Variants in FOXN3 observed in about 807,000 individuals in gnomAD.
FOXN3 encodes forkhead box N3, also known as forkhead box protein N3.
A neutral mutation model predicts 38.4 loss-of-function variants in FOXN3; 7 were observed. The ratio of observed to expected loss-of-function variants is 0.18; its 90% CI spans 0.10 to 0.34. The LOEUF (loss-of-function observed/expected upper bound fraction) is 0.34, where lower values mean the gene tolerates loss of function less well. Among genes scored for constraint, FOXN3 ranks in the 10% least tolerant of loss-of-function variants. The probability of loss-of-function intolerance (pLI) is 1.00; values close to 1 mark genes in which losing one functional copy is unlikely to be tolerated. For missense variants in FOXN3, 456 were observed against 613.4 expected (o/e 0.74, Z 2.71); for synonymous variants, 230 against 242.2 (o/e 0.95, Z 0.47).
At chr14:89,405,958 G>A (rs912537123) in intron 2 of FOXN3, among the ~76,000 whole-genome samples, 3 of 152,042 alleles carry the variant, frequency 2.0e-5, no homozygotes, top group East Asian at 1.9e-4. Context: ...TTGAGGACAG[G>A]AGTTCAAGAC....
intron 4 of FOXN3, among the ~76,000 whole-genome samples, chr14:89,213,870 T>C (rs1221328233): frequency 2.0e-5 from 3 of 152,246 alleles, no homozygotes; most frequent in East Asian, 1.9e-4. Flanking sequence ...TAATAATTTA[T>C]TAAGCTATTG....
chr14:89,355,498 A>G (rs921024750), intron 2 of FOXN3, among the ~76,000 whole-genome samples: 1 of 152,116 alleles, frequency 6.6e-6, no homozygotes, highest in Admixed American at 6.5e-5. Flanking sequence ...TGGCCTCCCA[A>G]AGTGCTGGAA....
At chr14:89,558,274 G>A (rs969629379) in intron 1 of FOXN3, among the ~76,000 whole-genome samples, 2 of 152,164 alleles carry the variant, frequency 1.3e-5, no homozygotes, top group Non-Finnish European at 2.9e-5. Context: ...AATACAAGTG[G>A]TAGTGCAGGC....
intron 2 of FOXN3, among the ~76,000 whole-genome samples, chr14:89,359,282 C>T (rs537066707): frequency 3.0e-4 from 45 of 149,906 alleles, no homozygotes; most frequent in Non-Finnish European, 4.6e-4. Context: ...GGCAACAGAG[C>T]GAGACTCCAT....
intron 1 of FOXN3, among the ~76,000 whole-genome samples, chr14:89,498,626 AT>A (rs1893736401): frequency 6.6e-6 from 1 of 152,130 alleles, no homozygotes; most frequent in Non-Finnish European, 1.5e-5. Context: ...TACCCTGGAT[AT>A]TGAGAACTAC....
upstream of FOXN3, among the ~76,000 whole-genome samples, chr14:89,418,638 A>G (rs950879142): frequency 6.6e-6 from 1 of 151,950 alleles, no homozygotes; most frequent in African/African-American, 2.4e-5. Context: ...CGACCTACCC[A>G]AAGTCACTAA....
chr14:89,523,191 A>G (rs1894357642), intron 1 of FOXN3, among the ~76,000 whole-genome samples: 1 of 152,228 alleles, frequency 6.6e-6, no homozygotes. Context: ...TAGACACCTA[A>G]TAACAGAATG....
At chr14:89,533,251 C>A (rs1045533487) in intron 1 of FOXN3, among the ~76,000 whole-genome samples, 1 of 152,206 alleles carries the variant, frequency 6.6e-6, no homozygotes, top group African/African-American at 2.4e-5. Context: ...CCCTTTCACT[C>A]TCCTCCGGCT....
chr14:89,467,255 G>A (rs758991906), intron 1 of FOXN3, among the ~76,000 whole-genome samples: 6 of 152,132 alleles, frequency 3.9e-5, no homozygotes, highest in Non-Finnish European at 5.9e-5. Flanking sequence ...CCACAGCTTC[G>A]CCTGTTCCCG....
chr14:89,610,537 C>T (rs1486438768), intron 1 of FOXN3, among the ~76,000 whole-genome samples: 1 of 152,206 alleles, frequency 6.6e-6, no homozygotes, highest in Non-Finnish European at 1.5e-5. Flanking sequence ...AACCATCCAC[C>T]CTTCAATCCC....
intron 1 of FOXN3, among the ~76,000 whole-genome samples, chr14:89,495,666 T>A (rs1007672740): frequency 2.6e-5 from 4 of 152,206 alleles, no homozygotes; most frequent in Admixed American, 2.6e-4. Context: ...CATTTCTGCC[T>A]CTTATTTGCT....
At chr14:89,330,762 C>A (rs1197112394) in intron 3 of FOXN3, among the ~76,000 whole-genome samples, 1 of 152,234 alleles carries the variant, frequency 6.6e-6, no homozygotes. Flanking sequence ...GCATCACTCG[C>A]TGCTGTAAAA....
chr14:89,520,804 C>G (rs979682159), intron 1 of FOXN3, among the ~76,000 whole-genome samples: 17 of 152,036 alleles, frequency 1.1e-4, no homozygotes, highest in Admixed American at 9.2e-4. Flanking sequence ...TGGAGAAAAG[C>G]CAACAGCAAT....
At chr14:89,343,627 G>GTTTTTTTTTTT (rs34453491) in intron 3 of FOXN3, among the ~76,000 whole-genome samples, 1 of 140,636 alleles carries the variant, frequency 7.1e-6, no homozygotes, top group Non-Finnish European at 1.5e-5. Context: ...AATGTGTGTG[G>GTTTTTTTTTTT]TTTTTTTTTT....
chr14:89,280,817 C>A, intron 4 of FOXN3, 133 bp downstream of exon 4: 1 of 672,482 alleles, frequency 1.5e-6, no homozygotes. Context: ...CCACCCACAA[C>A]AGTCACACTT....
intron 5 of FOXN3, among the ~76,000 whole-genome samples, chr14:89,166,579 C>G (rs1043805579): frequency 6.6e-6 from 1 of 152,144 alleles, no homozygotes; most frequent in Non-Finnish European, 1.5e-5. Flanking sequence ...CCCTGTCACT[C>G]CTGAAGAAGG....
intron 2 of FOXN3, among the ~76,000 whole-genome samples, chr14:89,383,647 T>A (rs1890717850): frequency 6.6e-6 from 1 of 152,220 alleles, no homozygotes; most frequent in African/African-American, 2.4e-5. Flanking sequence ...TCTTCCTGTG[T>A]CATCTTCCCC....
At chr14:89,508,178 C>T (rs143116556) in intron 1 of FOXN3, among the ~76,000 whole-genome samples, 192 of 152,244 alleles carry the variant, frequency 1.3e-3, no homozygotes, top group African/African-American at 4.2e-3. Context: ...ACCAGCCTTC[C>T]GCATCTGGAA....
At chr14:89,168,942 A>G (rs1887314904) in intron 5 of FOXN3, among the ~76,000 whole-genome samples, 1 of 152,246 alleles carries the variant, frequency 6.6e-6, no homozygotes, top group Non-Finnish European at 1.5e-5. Context: ...AATATTCTCA[A>G]GAGAGAAAAT....
Sources: gnomAD v4.1 joint callset for allele counts (sites outside exome capture counted in the v4.1 genomes callset) on GRCh38, gnomAD v4.1.1 for gene constraint, MANE v1.5 for transcripts, NCBI Gene and HGNC (gene_info 2026-07-23, HGNC 2026-07-21) for gene names.